CYB5R4: variants seen among roughly 807,000 people sequenced by gnomAD.
CYB5R4 encodes the protein N-terminal cytochrome b5 and cytochrome b5 oxidoreductase domain-containing protein.
A neutral mutation model predicts 70.2 loss-of-function variants in CYB5R4; 55 were observed. That is an observed-to-expected ratio of 0.78 (90% CI 0.63 to 0.98). The LOEUF (loss-of-function observed/expected upper bound fraction) is 0.98. Among genes scored for constraint, CYB5R4 ranks in the 50% least tolerant of loss-of-function variants. The pLI is 0.00. For missense variants in CYB5R4, 562 were observed against 612.6 expected, an observed-to-expected ratio of 0.92 and a Z score of 0.87; for synonymous variants, 197 against 199.5, an observed-to-expected ratio of 0.99 and a Z score of 0.11.
In CYB5R4 at chr6:83,966,052, A is replaced by T. The variant is rs1300859039; in HGVS notation, c.*6174A>T. 2 of 152,162 alleles carry T rather than the reference A, an allele frequency of 1.3e-5. No individual in the cohort carries two copies. Among genetic ancestry groups the T allele is most frequent in the African/African-American group, 2.4e-5 (1 of 41,424 alleles). 9.4% of individuals were successfully genotyped at this position (152,162 alleles called of 1,614,324 possible). A position where few individuals can be genotyped will look rare whatever the true frequency, so the allele number is the denominator to read the frequency against. On this transcript the variant is annotated 3_prime_UTR_variant, in exon 16 of 16. Coordinates refer to ENST00000369681, the MANE Select transcript of CYB5R4 (RefSeq NM_016230.4). Reference sequence around the variant, plus strand: ...GTATGTCTTTATCAGCAGTGATTCTATTCCTATGAAATGTCTAGAACAGGA... The same window carrying T: ...GTATGTCTTTATCAGCAGTGATTCTTTTCCTATGAAATGTCTAGAACAGGA...
chr6:83,902,714 C>G (rs1266781206), intron 3 of CYB5R4, among the ~76,000 whole-genome samples: 1 of 151,942 alleles, frequency 6.6e-6, no homozygotes, highest in Non-Finnish European at 1.5e-5. Flanking sequence ...CATCAATGTT[C>G]TGTAGTTTTA....
intron 1 of CYB5R4, among the ~76,000 whole-genome samples, chr6:83,863,235 G>A (rs2099456235): frequency 6.6e-6 from 1 of 152,134 alleles, no homozygotes; most frequent in Non-Finnish European, 1.5e-5. Context: ...CAAAGGGCCA[G>A]GTGGTGTTTT....
At chr6:83,946,360 A>G (rs2099470604) in intron 14 of CYB5R4, among the ~76,000 whole-genome samples, 1 of 152,242 alleles carries the variant, frequency 6.6e-6, no homozygotes, top group Non-Finnish European at 1.5e-5. Flanking sequence ...AAGGCCTTCA[A>G]TAAAATTCAA....
At chr6:83,899,338 T>G (rs2099462471) in intron 3 of CYB5R4, among the ~76,000 whole-genome samples, 1 of 152,166 alleles carries the variant, frequency 6.6e-6, no homozygotes, top group South Asian at 2.1e-4. Flanking sequence ...GTGGATAAGC[T>G]TTTTGCTGTG....
intron 2 of CYB5R4, among the ~76,000 whole-genome samples, chr6:83,874,795 T>A (rs1333086625): frequency 6.6e-6 from 1 of 151,826 alleles, no homozygotes; most frequent in Non-Finnish European, 1.5e-5. Flanking sequence ...GGCCACTTTT[T>A]ATATTTTTGT....
chr6:83,895,948 C>G (rs2099461827), intron 3 of CYB5R4, among the ~76,000 whole-genome samples: 1 of 152,062 alleles, frequency 6.6e-6, no homozygotes, highest in Admixed American at 6.6e-5. Context: ...TGTTTTTATC[C>G]CACCGCTGAC....
In CYB5R4 at chr6:83,862,039, G is replaced by T. The variant is rs144375257; in HGVS notation, c.76-2136G>T. 2.7e-3 allele frequency among the ~76,000 whole-genome samples: 414 copies of T among 152,314 alleles called. 3 individuals carry two copies. The highest frequency in any genetic ancestry group is 9.5e-3 in the African/African-American group (396 of 41,566). ...AAGGCACAGATTTTGAAGTGAGAAA[G>T]ACCTAGATTCTTTCACCATATCTGC... On this transcript the variant is annotated intron_variant, in intron 1 of 15. Coordinates refer to ENST00000369681, the MANE Select transcript of CYB5R4 (RefSeq NM_016230.4).
At position 83,927,636 on chromosome 6, in the gene CYB5R4, G is replaced by A. The variant is rs61763841; in HGVS notation, c.814+3044G>A. ...AATACATAGGGAAAATATGTGAAAA[G>A]GGGCACAGAGCTTCCATGACCTCAG... On this transcript the variant is annotated intron_variant, in intron 10 of 15. Transcript: ENST00000369681. 4.2e-3 allele frequency among the ~76,000 whole-genome samples: 639 copies of A among 152,286 alleles called. 5 individuals are homozygous for A. Among genetic ancestry groups the A allele is most frequent in the African/African-American group, 0.015 (610 of 41,562 alleles).
chr6:83,937,338 C>T (rs2099469076), intron 12 of CYB5R4, among the ~76,000 whole-genome samples: 2 of 151,872 alleles, frequency 1.3e-5, no homozygotes, highest in African/African-American at 4.8e-5. Context: ...CTTTATGGAG[C>T]CCTCCTCTTC....
chr6:83,901,777 C>G (rs1251089106), intron 3 of CYB5R4, among the ~76,000 whole-genome samples: 2 of 151,872 alleles, frequency 1.3e-5, no homozygotes, highest in East Asian at 3.9e-4. Context: ...TTGCATGTCC[C>G]TGATGATCAG....
chr6:83,872,185 T>C (rs1032182856), intron 2 of CYB5R4, among the ~76,000 whole-genome samples: 1 of 152,266 alleles, frequency 6.6e-6, no homozygotes, highest in Admixed American at 6.5e-5. Flanking sequence ...CCATTATCTT[T>C]TTGCACATTC....
chr6:83,878,781 T>C (rs1188669011), intron 2 of CYB5R4, among the ~76,000 whole-genome samples: 1 of 152,154 alleles, frequency 6.6e-6, no homozygotes, highest in African/African-American at 2.4e-5. Context: ...TAGTAAGTAG[T>C]TGAGCTAGAT....
At chr6:83,877,163 G>A (rs140851356) in intron 2 of CYB5R4, among the ~76,000 whole-genome samples, 2 of 152,164 alleles carry the variant, frequency 1.3e-5, no homozygotes, top group African/African-American at 4.8e-5. Flanking sequence ...AGGTCTGTTG[G>A]CTATGAATTC....
At chr6:83,918,693 A>G (rs1207591760) in intron 6 of CYB5R4, among the ~76,000 whole-genome samples, 4 of 152,090 alleles carry the variant, frequency 2.6e-5, no homozygotes, top group Non-Finnish European at 4.4e-5. Flanking sequence ...TAACTTAAGC[A>G]ATACATATAT....
intron 12 of CYB5R4, 103 bp from the exon 13 acceptor site, chr6:83,939,953 G>A: frequency 2.7e-6 from 2 of 753,640 alleles, no homozygotes. Context: ...ACTCCTCAGT[G>A]TTTTAAATTC....
At chr6:83,899,260 A>G (rs1369203063) in intron 3 of CYB5R4, among the ~76,000 whole-genome samples, 3 of 152,138 alleles carry the variant, frequency 2.0e-5, no homozygotes, top group African/African-American at 7.2e-5. Flanking sequence ...TATATGCTGG[A>G]TTACGTTTAT....
At chr6:83,873,289 G>C (rs1438624592) in intron 2 of CYB5R4, among the ~76,000 whole-genome samples, 4 of 145,464 alleles carry the variant, frequency 2.7e-5, no homozygotes, top group African/African-American at 1.0e-4. Context: ...ACCCAGGCTG[G>C]AGTGCAGTAG....
intron 3 of CYB5R4, among the ~76,000 whole-genome samples, chr6:83,904,516 A>T (rs1328925225): frequency 6.6e-6 from 1 of 152,166 alleles, no homozygotes; most frequent in African/African-American, 2.4e-5. Context: ...CAATCGTTGG[A>T]TAAATGTTTT....
intron 2 of CYB5R4, among the ~76,000 whole-genome samples, chr6:83,879,721 A>G (rs917813322): frequency 6.6e-6 from 1 of 152,166 alleles, no homozygotes; most frequent in Non-Finnish European, 1.5e-5. Flanking sequence ...CTTTGCCTAT[A>G]GTATTTCTCA....
Sources: allele counts gnomAD v4.1 joint callset (sites outside exome capture counted in the v4.1 genomes callset), GRCh38; gene constraint gnomAD v4.1.1; transcripts MANE v1.5; gene names NCBI Gene and HGNC (gene_info 2026-07-23, HGNC 2026-07-21).